The following UNC5D variants were observed in gnomAD, a reference collection of about 807,000 sequenced individuals.
UNC5D encodes the protein unc-5 netrin receptor D, also known as netrin receptor UNC5D.
UNC5D carries 39 observed loss-of-function variants against 105.4 expected under a neutral mutation model. The observed-to-expected ratio is 0.37, with a 90% confidence interval of 0.29 to 0.48. The LOEUF (loss-of-function observed/expected upper bound fraction) is 0.48. UNC5D is among the 20% of genes least tolerant of loss of function. The pLI, the probability that UNC5D is intolerant of heterozygous loss-of-function variation, is 0.98. For synonymous variants in UNC5D, 452 were observed against 450.4 expected, an observed-to-expected ratio of 1.00 and a Z score of -0.04; for missense variants, 991 against 1,202.4, an observed-to-expected ratio of 0.82 and a Z score of 2.60.
intron 4 of UNC5D, among the ~76,000 whole-genome samples, chr8:35,606,507 A>G (rs1291968062): frequency 1.3e-5 from 2 of 152,128 alleles, no homozygotes; most frequent in Non-Finnish European, 2.9e-5. Context: ...TTTGGTGTAC[A>G]GATTATTTCA....
intron 1 of UNC5D, among the ~76,000 whole-genome samples, chr8:35,391,766 G>A (rs1383392614): frequency 2.0e-5 from 3 of 152,192 alleles, no homozygotes; most frequent in Non-Finnish European, 4.4e-5. Flanking sequence ...CGCAAAGTGA[G>A]GATGATTAGA....
chr8:35,364,145 G>C (rs1210540826), intron 1 of UNC5D, among the ~76,000 whole-genome samples: 1 of 152,140 alleles, frequency 6.6e-6, no homozygotes, highest in Non-Finnish European at 1.5e-5. Flanking sequence ...CAGCCTGGGT[G>C]ACAGAGCGAG....
At chr8:35,460,715 A>G (rs1237812333) in intron 1 of UNC5D, among the ~76,000 whole-genome samples, 1 of 152,170 alleles carries the variant, frequency 6.6e-6, no homozygotes, top group Non-Finnish European at 1.5e-5. Flanking sequence ...CATGTTGGAG[A>G]CAATTTTCCT....
chr8:35,241,938 G>A (rs1802833100), intron 1 of UNC5D, among the ~76,000 whole-genome samples: 1 of 152,140 alleles, frequency 6.6e-6, no homozygotes, highest in Non-Finnish European at 1.5e-5. Context: ...ATTCTATTAA[G>A]TGGTATATTT....
At chr8:35,762,775 A>G (rs1286787809) in intron 14 of UNC5D, among the ~76,000 whole-genome samples, 1 of 152,134 alleles carries the variant, frequency 6.6e-6, no homozygotes, top group African/African-American at 2.4e-5. Context: ...ACAATAAATT[A>G]TTTATTTTTA....
At chr8:35,585,375 C>T (rs1818719296) in intron 3 of UNC5D, among the ~76,000 whole-genome samples, 1 of 152,086 alleles carries the variant, frequency 6.6e-6, no homozygotes, top group South Asian at 2.1e-4. Context: ...GAAGAGAGTG[C>T]ATGGAGAGTT....
intron 1 of UNC5D, among the ~76,000 whole-genome samples, chr8:35,322,260 A>G (rs1809806085): frequency 6.6e-6 from 1 of 152,166 alleles, no homozygotes; most frequent in African/African-American, 2.4e-5. Context: ...TCTCTCAGGC[A>G]TTCTCAATTC....
At chr8:35,402,245 T>G (rs1804513832) in intron 1 of UNC5D, among the ~76,000 whole-genome samples, 1 of 152,254 alleles carries the variant, frequency 6.6e-6, no homozygotes, top group East Asian at 1.9e-4. Context: ...ACTGGGTAAT[T>G]TACAAAGAAA....
chr8:35,610,999 A>G (rs1820640107), intron 4 of UNC5D, among the ~76,000 whole-genome samples: 1 of 142,680 alleles, frequency 7.0e-6, no homozygotes, highest in Non-Finnish European at 1.5e-5. Flanking sequence ...GTTTGCTATG[A>G]GACAAAGAAG....
chr8:35,632,076 G>C (rs1822075650), intron 4 of UNC5D, among the ~76,000 whole-genome samples: 1 of 152,154 alleles, frequency 6.6e-6, no homozygotes, highest in African/African-American at 2.4e-5. Flanking sequence ...CCCAGCTCAA[G>C]CACAGGAATC....
intron 1 of UNC5D, among the ~76,000 whole-genome samples, chr8:35,353,715 A>G (rs4360290): frequency 0.44 from 66,152 of 151,948 alleles, 14,669 homozygotes; most frequent in East Asian, 0.7. Flanking sequence ...CTTCATGTGC[A>G]TTAATATTGA....
chr8:35,765,677 G>A (rs1161725131), intron 14 of UNC5D, among the ~76,000 whole-genome samples: 1 of 152,044 alleles, frequency 6.6e-6, no homozygotes, highest in Admixed American at 6.5e-5. Context: ...TGCACATAAG[G>A]GCTCGGGAAT....
intron 1 of UNC5D, among the ~76,000 whole-genome samples, chr8:35,451,379 G>A (rs1407297759): frequency 6.6e-6 from 1 of 152,092 alleles, no homozygotes; most frequent in East Asian, 1.9e-4. Context: ...TGACTGGGTG[G>A]CAAGTGAACA....
intron 9 of UNC5D, chr8:35,724,115 G>A (rs1337376850): frequency 7.2e-7 from 1 of 1,397,436 alleles, no homozygotes; most frequent in Admixed American, 3.0e-5. Flanking sequence ...TGAGAAGGGT[G>A]GATCCCTGGC....
At chr8:35,523,599 G>A (rs60810562) in intron 1 of UNC5D, among the ~76,000 whole-genome samples, 19,161 of 76,578 alleles carry the variant, frequency 0.25, 1,695 homozygotes, top group East Asian at 0.38. Context: ...TTTTTTTTTT[G>A]ATGGTTAAAA....
intron 16 of UNC5D, among the ~76,000 whole-genome samples, chr8:35,784,280 G>A (rs1802638758): frequency 6.6e-6 from 1 of 152,090 alleles, no homozygotes; most frequent in African/African-American, 2.4e-5. Context: ...AACTTACATA[G>A]ATGAATGTAT....
chr8:35,741,043 G>T (rs182402560), intron 11 of UNC5D, among the ~76,000 whole-genome samples: 1 of 152,156 alleles, frequency 6.6e-6, no homozygotes, highest in Non-Finnish European at 1.5e-5. Flanking sequence ...CATTTTTAAG[G>T]CACTTTCAAT....
In UNC5D at chr8:35,611,813, A is replaced by G. The variant is rs1820704017; in HGVS notation, c.570+16156A>G. Reference sequence around the variant, plus strand: ...AAAACAATTCATTATCCCACACTGCACTTTTTTATACTCCCTAATTAATGG... The same window carrying G: ...AAAACAATTCATTATCCCACACTGCGCTTTTTTATACTCCCTAATTAATGG... On this transcript the variant is annotated intron_variant, in intron 4 of 16. Coordinates refer to ENST00000404895, the MANE Select transcript of UNC5D (RefSeq NM_080872.4). Among the ~76,000 whole-genome samples, 3 of 152,310 alleles carry G rather than the reference A, an allele frequency of 2.0e-5. No homozygotes were observed. The South Asian group carries it at 6.2e-4, about 32-fold the overall frequency.
chr8:35,300,274 G>A (rs926809450), intron 1 of UNC5D, among the ~76,000 whole-genome samples: 14 of 151,194 alleles, frequency 9.3e-5, no homozygotes, highest in African/African-American at 2.4e-4. Context: ...ATGGCAAAAC[G>A]CCATCTCTAC....
Sources: allele counts gnomAD v4.1 joint callset (sites outside exome capture counted in the v4.1 genomes callset), GRCh38; gene constraint gnomAD v4.1.1; transcripts MANE v1.5; gene names NCBI Gene and HGNC (gene_info 2026-07-23, HGNC 2026-07-21).